Variants in ASPH observed in about 807,000 individuals in gnomAD.
ASPH encodes aspartyl/asparaginyl beta-hydroxylase.
A neutral mutation model predicts 118.4 loss-of-function variants in ASPH; 100 were observed. The observed-to-expected ratio is 0.84, with a 90% CI of 0.72 to 1.00. The LOEUF is 1.00. ASPH is among the 50% of genes least tolerant of loss of function. ASPH has a pLI of 0.00. For missense variants in ASPH, 920 were observed against 919.5 expected, an observed-to-expected ratio of 1.00 and a Z score of -0.01; for synonymous variants, 315 against 325.6, an observed-to-expected ratio of 0.97 and a Z score of 0.35.
chr8:61,603,822 A>G (rs552228968), intron 14 of ASPH, among the ~76,000 whole-genome samples: 1 of 152,384 alleles, frequency 6.6e-6, no homozygotes, highest in Non-Finnish European at 1.5e-5. Flanking sequence ...CTGGGAACAG[A>G]AAGAAGCAAA....
chr8:61,580,264 C>T (rs1837069611), intron 15 of ASPH, among the ~76,000 whole-genome samples: 1 of 152,194 alleles, frequency 6.6e-6, no homozygotes, highest in Non-Finnish European at 1.5e-5. Context: ...TAGGCAGTGC[C>T]CCAGTGGGGA....
chr8:61,507,741 A>T (rs1291373131), intron 24 of ASPH, among the ~76,000 whole-genome samples: 4 of 152,224 alleles, frequency 2.6e-5, no homozygotes, highest in African/African-American at 4.8e-5. Context: ...TCTCATTAGA[A>T]TGCAAAGAAC....
chr8:61,697,235 A>C (rs1834123967), intron 1 of ASPH, among the ~76,000 whole-genome samples: 1 of 152,238 alleles, frequency 6.6e-6, no homozygotes, highest in Non-Finnish European at 1.5e-5. Flanking sequence ...TATGAATTAT[A>C]ATACATCTTG....
intron 21 of ASPH, among the ~76,000 whole-genome samples, chr8:61,529,935 C>T (rs1289154069): frequency 6.6e-6 from 1 of 152,224 alleles, no homozygotes; most frequent in Non-Finnish European, 1.5e-5. Flanking sequence ...CAAAGCCCCA[C>T]CTCTTAATAC....
intron 21 of ASPH, among the ~76,000 whole-genome samples, chr8:61,547,325 T>C (rs1451901328): frequency 6.6e-6 from 1 of 152,262 alleles, no homozygotes; most frequent in African/African-American, 2.4e-5. Context: ...CACAGCATTT[T>C]CTAACAATAT....
intron 13 of ASPH, chr8:61,626,285 A>C: frequency 6.4e-7 from 1 of 1,565,666 alleles, no homozygotes; most frequent in Non-Finnish European, 8.6e-7. Flanking sequence ...AAGTATCTGC[A>C]AAAATAAGGG....
At chr8:61,578,572 T>C (rs1186614155) in intron 15 of ASPH, 3 of 1,522,402 alleles carry the variant, frequency 2.0e-6, no homozygotes, top group African/African-American at 1.4e-5. Context: ...CAGAACAAGA[T>C]GCTGGAGACC....
chr8:61,529,337 A>C (rs575432922), intron 21 of ASPH, among the ~76,000 whole-genome samples: 1 of 152,326 alleles, frequency 6.6e-6, no homozygotes. Flanking sequence ...GGTCAGGAGC[A>C]CTTGCAAGGT....
intron 14 of ASPH, among the ~76,000 whole-genome samples, chr8:61,603,994 G>A (rs1018953265): frequency 3.5e-4 from 54 of 152,210 alleles, no homozygotes; most frequent in African/African-American, 1.3e-3. Flanking sequence ...GGTATGTTCA[G>A]GGATTTGTGA....
chr8:61,618,797 G>C (rs977869539), intron 14 of ASPH, among the ~76,000 whole-genome samples, 181 bp downstream of exon 14: 11 of 152,216 alleles, frequency 7.2e-5, no homozygotes, highest in African/African-American at 2.6e-4. Context: ...TCTGTGCTTT[G>C]GCTCTTAATG....
Position 61,502,980 on chromosome 8 carries a change from T to G in ASPH, c.*379A>C, listed in dbSNP as rs1487371262. 6.3e-6 allele frequency: 1 copy of G among 158,660 alleles called. No individual in the cohort carries two copies. The highest frequency in any genetic ancestry group is 1.4e-5 in the Non-Finnish European group (1 of 72,520). 9.8% of individuals were successfully genotyped at this position (158,660 alleles called of 1,614,324 possible). On this transcript the variant is annotated 3_prime_UTR_variant, in exon 25 of 25. Coordinates refer to ENST00000379454, the MANE Select transcript of ASPH (RefSeq NM_004318.4). The stretch of plus-strand genomic sequence containing the variant: ...TCTAGCTACACTAGAAAAATATAAC[T>G]GCATAGAAAAATTACAAACTAAAGC...
intron 1 of ASPH, among the ~76,000 whole-genome samples, chr8:61,712,818 TA>T (rs1838360708): frequency 6.6e-6 from 1 of 152,192 alleles, no homozygotes; most frequent in Non-Finnish European, 1.5e-5. Context: ...CCTCTCCTCA[TA>T]AACACAAAAA....
intron 1 of ASPH, among the ~76,000 whole-genome samples, chr8:61,688,266 C>G (rs968619113): frequency 5.9e-5 from 9 of 152,130 alleles, no homozygotes; most frequent in African/African-American, 1.9e-4. Flanking sequence ...TGGGATCAGT[C>G]AAAGCGGATT....
intron 1 of ASPH, among the ~76,000 whole-genome samples, chr8:61,695,876 C>CT (rs1274662825): frequency 6.6e-6 from 1 of 152,186 alleles, no homozygotes; most frequent in Non-Finnish European, 1.5e-5. Context: ...AAGGGAGCAA[C>CT]TTATTGCTTA....
intron 5 of ASPH, among the ~76,000 whole-genome samples, chr8:61,649,517 T>G (rs1185686925): frequency 1.3e-5 from 2 of 152,140 alleles, no homozygotes; most frequent in Non-Finnish European, 2.9e-5. Flanking sequence ...GTTATCAACA[T>G]ACAAAGAATA....
intron 16 of ASPH, among the ~76,000 whole-genome samples, chr8:61,576,316 A>G (rs577142222): frequency 8.1e-4 from 124 of 152,334 alleles, no homozygotes; most frequent in African/African-American, 2.9e-3. Flanking sequence ...GGAGATGAGG[A>G]TAAAGGTAGC....
chr8:61,660,569 A>G (rs1220964693), intron 3 of ASPH: 4 of 152,306 alleles, frequency 2.6e-5, no homozygotes, highest in East Asian at 1.9e-4. Flanking sequence ...GTCCATAGAC[A>G]GATGGATGTT....
chr8:61,640,165 C>T (rs1391423128), intron 10 of ASPH, among the ~76,000 whole-genome samples: 1 of 152,218 alleles, frequency 6.6e-6, no homozygotes, highest in Non-Finnish European at 1.5e-5. Flanking sequence ...CACCACTGAA[C>T]ATCCCTTTCT....
intron 20 of ASPH, 39 bp downstream of exon 20, chr8:61,552,992 C>A (rs1368097075): frequency 6.8e-7 from 1 of 1,461,344 alleles, no homozygotes; most frequent in Non-Finnish European, 9.5e-7. Context: ...CCAACTCCAT[C>A]CTCTGTTAGA....
Sources: gnomAD v4.1 joint callset for allele counts (sites outside exome capture counted in the v4.1 genomes callset) on GRCh38, gnomAD v4.1.1 for gene constraint, MANE v1.5 for transcripts, NCBI Gene and HGNC (gene_info 2026-07-23, HGNC 2026-07-21) for gene names.